The following BDH1 variants were observed in gnomAD, a reference collection of about 807,000 sequenced individuals.
The protein encoded by BDH1 is 3-hydroxybutyrate dehydrogenase 1.
A neutral mutation model predicts 33.1 loss-of-function variants in BDH1; 30 were observed. That is an observed-to-expected ratio of 0.91 (90% confidence interval 0.68 to 1.23). The LOEUF (loss-of-function observed/expected upper bound fraction) is 1.23. Among genes scored for constraint, BDH1 ranks in the 50% most tolerant of loss-of-function variants. The pLI, the probability that BDH1 is intolerant of heterozygous loss-of-function variation, is 0.00. For missense variants in BDH1, 443 were observed against 464.4 expected (o/e 0.95, Z 0.42); for synonymous variants, 190 against 183.6 (o/e 1.03, Z -0.28).
At position 197,528,988 on chromosome 3, in the gene BDH1, A is replaced by G. The variant is rs1560317922; in HGVS notation, c.267+3424T>C. 1.3e-5 allele frequency: 2 copies of G among 152,248 alleles called. No individual in the cohort carries two copies. Among genetic ancestry groups the G allele is most frequent in the African/African-American group, 4.8e-5 (2 of 41,456 alleles). 9.4% of individuals were successfully genotyped at this position (152,248 alleles called of 1,614,324 possible). A position where few individuals can be genotyped will look rare whatever the true frequency, so the allele number is the denominator to read the frequency against. ...TGGCACAGAAGCCTAACATAGGACA[A>G]GGGACTTTACAACATTTTTATGGCA... On this transcript the variant is annotated intron_variant, in intron 5 of 7. Transcript: ENST00000392379. This position sits in a 1 kb window ranked among gnomAD's most constrained non-coding sequence, Gnocchi z 5.1.
In BDH1 at chr3:197,522,840, G is replaced by C; in HGVS notation, c.268-59C>G. 6.3e-7 allele frequency: 1 copy of C among 1,582,714 alleles called. No individual in the cohort carries two copies. The highest frequency in any genetic ancestry group is 8.6e-7 in the Non-Finnish European group (1 of 1,160,968). ...TCCTTCCCACCCTGAGGCAGACCCT[G>C]AGGACTCCTGTCAAGGCAGGAGCTG... is the stretch of plus-strand genomic sequence containing the variant. On this transcript the variant is annotated intron_variant, in intron 5 of 7. Transcript: ENST00000392379. This position sits in a 1 kb window ranked among gnomAD's most constrained non-coding sequence, Gnocchi z 4.8.
chr3:197,549,093 G>A (rs1453515672), intron 2 of BDH1, among the ~76,000 whole-genome samples: 1 of 152,092 alleles, frequency 6.6e-6, no homozygotes, highest in Non-Finnish European at 1.5e-5. Context: ...TTTTAGTTTG[G>A]GAACAGAAAT....
chr3:197,558,851 G>C (rs184384925), upstream of BDH1, among the ~76,000 whole-genome samples: 7 of 152,244 alleles, frequency 4.6e-5, no homozygotes, highest in Non-Finnish European at 7.4e-5. Context: ...CCGCTCTCTA[G>C]CAGCAAGAGA....
chr3:197,571,211 G>A (rs1300770116), intron 1 of BDH1, among the ~76,000 whole-genome samples: 2 of 152,208 alleles, frequency 1.3e-5, no homozygotes, highest in Non-Finnish European at 2.9e-5. Flanking sequence ...TATCTAGGAA[G>A]TAACTAACTT....
chr3:197,529,346 A>G (rs1470847713), intron 5 of BDH1: 2 of 152,278 alleles, frequency 1.3e-5, no homozygotes, highest in Non-Finnish European at 2.9e-5. Flanking sequence ...AAATGTTCCA[A>G]AATCTGAATT....
Position 197,515,511 on chromosome 3 carries a change from A to T in BDH1, c.410-1095T>A, listed in dbSNP as rs571284459. On this transcript the variant is annotated intron_variant, in intron 6 of 7. Coordinates refer to ENST00000392379, the MANE Select transcript of BDH1 (RefSeq NM_203314.3). ...CCCACCCGTCATGGCTGACACTTCC[A>T]CGTCATCTTCGAGACCATAGCCACT... is the stretch of plus-strand genomic sequence containing the variant. 5.0e-5 allele frequency: 49 copies of T among 985,578 alleles called. No individual in the cohort carries two copies. The Admixed American group carries it at 8.0e-4, about 16-fold the overall frequency. The allele number at this position is 985,578 out of a possible 1,614,324, so 61.1% of individuals were successfully genotyped here.
chr3:197,549,387 G>T (rs1716363130), intron 2 of BDH1, among the ~76,000 whole-genome samples: 1 of 152,230 alleles, frequency 6.6e-6, no homozygotes, highest in South Asian at 2.1e-4. Context: ...CTTCCTCACT[G>T]CTGGGCTCAC....
At chr3:197,529,499 A>T (rs1336430095) in intron 5 of BDH1, 1 of 152,234 alleles carries the variant, frequency 6.6e-6, no homozygotes, top group Non-Finnish European at 1.5e-5. Context: ...TCTGGTCCCA[A>T]GCATTTCAGA....
intron 1 of BDH1, among the ~76,000 whole-genome samples, chr3:197,569,622 T>G (rs1190923636): frequency 1.3e-5 from 2 of 152,176 alleles, no homozygotes; most frequent in Non-Finnish European, 2.9e-5. Context: ...CTCTTGGTAG[T>G]GAATAAAAAC....
chr3:197,541,408 A>G (rs1330898334), intron 3 of BDH1, among the ~76,000 whole-genome samples: 1 of 152,214 alleles, frequency 6.6e-6, no homozygotes, highest in Non-Finnish European at 1.5e-5. Context: ...GTGTGGTTAT[A>G]TTACTAAAAC....
intron 5 of BDH1, among the ~76,000 whole-genome samples, chr3:197,531,133 C>T (rs1226362450): frequency 6.6e-6 from 1 of 152,102 alleles, no homozygotes; most frequent in African/African-American, 2.4e-5. Context: ...TGGTGGCTCA[C>T]GCCTGTAATC....
upstream of BDH1, among the ~76,000 whole-genome samples, chr3:197,560,215 C>T (rs919497279): frequency 3.3e-5 from 5 of 152,196 alleles, no homozygotes; most frequent in African/African-American, 1.2e-4. Context: ...AAAATTTATT[C>T]AAAGACCTGT....
At chr3:197,548,846 G>A (rs1021730159) in intron 2 of BDH1, among the ~76,000 whole-genome samples, 1 of 151,080 alleles carries the variant, frequency 6.6e-6, no homozygotes, top group South Asian at 2.1e-4. Context: ...GCAAGGCTCC[G>A]TCTCAAAAAC....
intron 6 of BDH1, chr3:197,515,859 T>C (rs865893216): frequency 3.6e-6 from 1 of 274,412 alleles, no homozygotes; most frequent in Non-Finnish European, 5.6e-6. Flanking sequence ...AGCCGGATCA[T>C]GCCACGGCAC....
chr3:197,554,776 G>A lies in BDH1; in HGVS notation c.-195-63C>T, dbSNP rs933343739. 1.3e-5 allele frequency: 2 copies of A among 152,058 alleles called. No homozygotes were observed. Among genetic ancestry groups the A allele is most frequent in the Non-Finnish European group, 2.9e-5 (2 of 68,042 alleles). 9.4% of individuals were successfully genotyped at this position (152,058 alleles called of 1,614,324 possible). A position where few individuals can be genotyped will look rare whatever the true frequency, so the allele number is the denominator to read the frequency against. ...GCGCGCAGCACCAAACACTTCCCCA[G>A]AAGGGCGCAGCCTGGAGGCGGCCGC... On this transcript the variant is annotated intron_variant, in intron 1 of 7. Transcript: ENST00000392379. The surrounding 1 kb of genome is among the most constrained non-coding windows in gnomAD (Gnocchi z 4.4).
chr3:197,533,586 G>C, intron 3 of BDH1, 25 bp from the exon 4 acceptor site: 1 of 1,611,384 alleles, frequency 6.2e-7, no homozygotes, highest in Non-Finnish European at 8.5e-7. Context: ...GAAGCCGTGA[G>C]TACAAGGACA....
At chr3:197,540,217 C>T (rs541597985) in intron 3 of BDH1, among the ~76,000 whole-genome samples, 1 of 151,976 alleles carries the variant, frequency 6.6e-6, no homozygotes, top group African/African-American at 2.4e-5. Flanking sequence ...CCACGCCCTG[C>T]TAAATTTTGT....
rs138465011 is a variant in BDH1, at chr3:197,512,537, G to T, written c.563-173C>A. On this transcript the variant is annotated intron_variant, in intron 7 of 7. Transcript: ENST00000392379. ...CCACGCATCAGCATCGGCACCCCTG[G>T]TCTTCCCTGGGAACCTGGCTGTGCC... Among the ~76,000 whole-genome samples, 7 of 152,358 alleles carry T rather than the reference G, an allele frequency of 4.6e-5. No homozygotes were observed. The East Asian group carries it at 1.3e-3, about 29-fold the overall frequency.
intron 4 of BDH1, 136 bp from the exon 5 acceptor site, chr3:197,532,658 T>C (rs2108742367): frequency 1.6e-6 from 1 of 640,568 alleles, no homozygotes; most frequent in African/African-American, 1.8e-5. Flanking sequence ...CTTGTTCTTG[T>C]TGTCTGGAGA....
Sources: allele counts gnomAD v4.1 joint callset (sites outside exome capture counted in the v4.1 genomes callset), GRCh38; gene constraint gnomAD v4.1.1; non-coding constraint Gnocchi (gnomAD v3.1); transcripts MANE v1.5; gene names NCBI Gene and HGNC (gene_info 2026-07-23, HGNC 2026-07-21).